Variants in EPHA3 observed in about 807,000 individuals in gnomAD.
EPHA3 encodes ephrin type-A receptor 3.
A neutral mutation model predicts 107.1 loss-of-function variants in EPHA3; 42 were observed. That is an observed-to-expected ratio of 0.39 (90% CI 0.31 to 0.51). The LOEUF (loss-of-function observed/expected upper bound fraction) is 0.51, where lower values mean the gene tolerates loss of function less well. Ranked by LOEUF, EPHA3 falls within the 20% of genes least tolerant of loss-of-function variation. The pLI is 0.78. For missense variants in EPHA3, 1,183 were observed against 1,211.2 expected, an observed-to-expected ratio of 0.98 and a Z score of 0.35; for synonymous variants, 461 against 424.8, an observed-to-expected ratio of 1.09 and a Z score of -1.05.
intron 2 of EPHA3, among the ~76,000 whole-genome samples, chr3:89,200,631 T>C (rs1251289449): frequency 2.6e-5 from 4 of 152,208 alleles, no homozygotes; most frequent in Admixed American, 6.5e-5. Flanking sequence ...AAATTGTTCC[T>C]GGCCTTACAT....
At chr3:89,416,140 T>A (rs182879028) in intron 10 of EPHA3, among the ~76,000 whole-genome samples, 2 of 151,640 alleles carry the variant, frequency 1.3e-5, no homozygotes, top group Admixed American at 6.6e-5. Flanking sequence ...CGGCTTTTTT[T>A]AATTGTTTAA....
At chr3:89,346,995 G>A (rs1193049459) in intron 5 of EPHA3, among the ~76,000 whole-genome samples, 1 of 143,518 alleles carries the variant, frequency 7.0e-6, no homozygotes, top group East Asian at 2.0e-4. Context: ...TTTGGTACCA[G>A]TACCATGCTG....
intron 15 of EPHA3, among the ~76,000 whole-genome samples, chr3:89,460,823 C>CTCTTTTTTTTTTTTTTTTTTTT (rs1199238290): frequency 4.9e-5 from 5 of 103,018 alleles, no homozygotes; most frequent in Admixed American, 1.9e-4. Context: ...CTCTGTCTCT[C>CTCTTTTTTTTTTTTTTTTTTTT]TTTTTTTTTT....
At chr3:89,191,672 G>A (rs1319002625) in intron 2 of EPHA3, among the ~76,000 whole-genome samples, 1 of 152,108 alleles carries the variant, frequency 6.6e-6, no homozygotes, top group Non-Finnish European at 1.5e-5. Flanking sequence ...ATGTTTATAG[G>A]TAATTGGTTA....
intron 3 of EPHA3, among the ~76,000 whole-genome samples, chr3:89,276,990 C>A (rs1490921203): frequency 6.6e-6 from 1 of 152,038 alleles, no homozygotes; most frequent in East Asian, 1.9e-4. Flanking sequence ...TGATTAATTG[C>A]ATGAATATCC....
chr3:89,144,622 T>C (rs1299319564), intron 2 of EPHA3, among the ~76,000 whole-genome samples: 2 of 151,808 alleles, frequency 1.3e-5, no homozygotes, highest in Non-Finnish European at 2.9e-5. Flanking sequence ...AAGATGACAG[T>C]GTGCATTTCT....
intron 3 of EPHA3, among the ~76,000 whole-genome samples, chr3:89,257,603 G>A (rs1357497816): frequency 2.0e-5 from 3 of 151,786 alleles, no homozygotes; most frequent in African/African-American, 7.3e-5. Context: ...GGGGCTTGAA[G>A]TAGCTTCCAT....
At chr3:89,424,391 C>A (rs1187726898) in intron 11 of EPHA3, among the ~76,000 whole-genome samples, 9 of 151,146 alleles carry the variant, frequency 6.0e-5, no homozygotes, top group African/African-American at 2.2e-4. Context: ...ATGTAAACAG[C>A]CCCCAAACAA....
At chr3:89,356,629 T>C (rs1007884745) in intron 5 of EPHA3, among the ~76,000 whole-genome samples, 1 of 151,210 alleles carries the variant, frequency 6.6e-6, no homozygotes, top group African/African-American at 2.4e-5. Context: ...CAATCCTCAA[T>C]GTAATAGGTC....
chr3:89,267,987 C>G (rs990880179), intron 3 of EPHA3, among the ~76,000 whole-genome samples: 3 of 152,086 alleles, frequency 2.0e-5, no homozygotes, highest in African/African-American at 7.2e-5. Flanking sequence ...TGCTATTGCT[C>G]TCATTTCACA....
chr3:89,378,566 C>T (rs1206037612), intron 5 of EPHA3, among the ~76,000 whole-genome samples: 1 of 152,154 alleles, frequency 6.6e-6, no homozygotes, highest in Non-Finnish European at 1.5e-5. Flanking sequence ...AATCTTTCCA[C>T]ACATTAGGTA....
intron 2 of EPHA3, among the ~76,000 whole-genome samples, chr3:89,145,925 A>T (rs927268286): frequency 1.3e-5 from 2 of 151,890 alleles, no homozygotes; most frequent in Non-Finnish European, 2.9e-5. Context: ...AAAAATTAAC[A>T]TCAAAATAAT....
chr3:89,441,208 C>T (rs974296945), intron 13 of EPHA3, among the ~76,000 whole-genome samples: 4 of 152,160 alleles, frequency 2.6e-5, no homozygotes, highest in African/African-American at 7.2e-5. Flanking sequence ...TTACCCTGTA[C>T]CTCCAGTTAT....
At chr3:89,118,058 A>G (rs1707296689) in intron 1 of EPHA3, among the ~76,000 whole-genome samples, 1 of 142,630 alleles carries the variant, frequency 7.0e-6, no homozygotes, top group Non-Finnish European at 1.6e-5. Context: ...GATGCAGTAT[A>G]AAAGGACATA....
chr3:89,374,230 A>G (rs562499278), intron 5 of EPHA3, among the ~76,000 whole-genome samples: 4 of 152,056 alleles, frequency 2.6e-5, no homozygotes, highest in African/African-American at 9.6e-5. Context: ...GGAGCCAGAC[A>G]CATCTTGAGG....
At chr3:89,381,680 A>C (rs1446481595) in intron 5 of EPHA3, among the ~76,000 whole-genome samples, 2 of 152,042 alleles carry the variant, frequency 1.3e-5, no homozygotes, top group East Asian at 3.9e-4. Flanking sequence ...AAAAGAAAAA[A>C]AAAAATTAGG....
chr3:89,318,032 G>C (rs182583188), intron 3 of EPHA3, among the ~76,000 whole-genome samples: 1 of 151,716 alleles, frequency 6.6e-6, no homozygotes, highest in Non-Finnish European at 1.5e-5. Context: ...AACAATTTCC[G>C]TTATTTGACA....
intron 3 of EPHA3, among the ~76,000 whole-genome samples, chr3:89,230,787 T>TTC (rs58085750): frequency 7.5e-6 from 1 of 133,242 alleles, no homozygotes; most frequent in Non-Finnish European, 1.6e-5. Flanking sequence ...ATATACATAT[T>TTC]TCTCTCTCTC....
At chr3:89,440,493 C>A (rs1709762109) in intron 13 of EPHA3, among the ~76,000 whole-genome samples, 1 of 152,300 alleles carries the variant, frequency 6.6e-6, no homozygotes, top group African/African-American at 2.4e-5. Flanking sequence ...TCAGCAATTA[C>A]ACTCCTTCTC....
Sources: gnomAD v4.1 joint callset for allele counts (sites outside exome capture counted in the v4.1 genomes callset) on GRCh38, gnomAD v4.1.1 for gene constraint, MANE v1.5 for transcripts, NCBI Gene and HGNC (gene_info 2026-07-23, HGNC 2026-07-21) for gene names.